Variants in PTPRN2 observed in about 807,000 individuals in gnomAD.
PTPRN2 encodes protein tyrosine phosphatase receptor type N2, also known as receptor-type tyrosine-protein phosphatase N2.
A neutral mutation model predicts 118.8 loss-of-function variants in PTPRN2; 74 were observed. The ratio of observed to expected loss-of-function variants is 0.62; its 90% CI spans 0.52 to 0.76. The LOEUF is 0.76. Ranked by LOEUF, PTPRN2 falls within the 30% of genes least tolerant of loss-of-function variation. The pLI, the probability that PTPRN2 is intolerant of heterozygous loss-of-function variation, is 0.00. For synonymous variants in PTPRN2, 641 were observed against 608.0 expected (o/e 1.05, Z -0.80); for missense variants, 1,481 against 1,394.4 (o/e 1.06, Z -0.99).
intron 19 of PTPRN2, among the ~76,000 whole-genome samples, chr7:157,573,951 G>A (rs563292520): frequency 1.7e-4 from 25 of 151,360 alleles, no homozygotes; most frequent in African/African-American, 4.9e-4. Context: ...CATGGCTGAG[G>A]ACTTTATTTA....
chr7:157,837,669 C>A (rs1213943138), intron 12 of PTPRN2, among the ~76,000 whole-genome samples: 2 of 152,182 alleles, frequency 1.3e-5, no homozygotes, highest in African/African-American at 4.8e-5. Context: ...CATCCAGCCC[C>A]CGCAGGGCAG....
chr7:158,145,782 T>A (rs1383449808), intron 6 of PTPRN2, among the ~76,000 whole-genome samples: 3 of 152,134 alleles, frequency 2.0e-5, no homozygotes, highest in Non-Finnish European at 2.9e-5. Flanking sequence ...CATTTAAAGT[T>A]CCCATCAATC....
chr7:158,030,448 C>T (rs1331494816), intron 11 of PTPRN2: 5 of 151,018 alleles, frequency 3.3e-5, no homozygotes, highest in Non-Finnish European at 5.9e-5. Context: ...ACGTCTGAGT[C>T]TTGGCTCCAG....
intron 12 of PTPRN2, among the ~76,000 whole-genome samples, chr7:157,851,636 G>A (rs903963119): frequency 2.6e-5 from 4 of 152,186 alleles, no homozygotes; most frequent in Non-Finnish European, 5.9e-5. Context: ...TCCCTGCTCT[G>A]CAGAGACCGC....
intron 1 of PTPRN2, among the ~76,000 whole-genome samples, chr7:158,504,155 A>G (rs558491289): frequency 9.9e-5 from 15 of 152,274 alleles, no homozygotes; most frequent in African/African-American, 3.6e-4. Context: ...TTCTTTGCAT[A>G]TATGAAAGAC....
chr7:157,730,547 CA>C (rs1448741231), intron 12 of PTPRN2, among the ~76,000 whole-genome samples: 2 of 152,316 alleles, frequency 1.3e-5, no homozygotes, highest in East Asian at 3.9e-4. Context: ...AAGGCTGGGC[CA>C]TTTCCCCCTC....
At chr7:158,160,845 C>T (rs1483860755) in intron 6 of PTPRN2, among the ~76,000 whole-genome samples, 4 of 152,192 alleles carry the variant, frequency 2.6e-5, no homozygotes, top group Admixed American at 6.5e-5. Context: ...TGCAAAAATA[C>T]GAATGTTATT....
chr7:157,729,530 C>T lies in PTPRN2; in HGVS notation c.1789-46593G>A, dbSNP rs1300961933. Among the ~76,000 whole-genome samples, 2 of 152,362 alleles carry T rather than the reference C, an allele frequency of 1.3e-5. No homozygotes were observed. Among genetic ancestry groups the T allele is most frequent in the East Asian group, 3.9e-4 (2 of 5,194 alleles). On this transcript the variant is annotated intron_variant, in intron 12 of 22. Transcript: ENST00000389418. The surrounding 1 kb of genome is among the most constrained non-coding windows in gnomAD (Gnocchi z 4.3). ...CAGGTGGGCACTGTGCTGGTGCTGT[C>T]CGAGTGGAGCCTCTGGTGAGCCGGA... is the stretch of plus-strand genomic sequence containing the variant.
chr7:158,270,832 ATGACCC>A (rs1798344008), intron 3 of PTPRN2, among the ~76,000 whole-genome samples: 2 of 5,184 alleles, frequency 3.9e-4, no homozygotes, highest in African/African-American at 1.2e-3. Context: ...CTCCACCTGG[ATGACCC>A]CCTCACCTGG....
intron 5 of PTPRN2, among the ~76,000 whole-genome samples, chr7:158,184,228 T>C (rs992253456): frequency 1.3e-5 from 2 of 152,226 alleles, no homozygotes; most frequent in African/African-American, 4.8e-5. Flanking sequence ...CTTAACACTA[T>C]TGAGTCTTTA....
In PTPRN2 at chr7:157,609,561, G is replaced by C. The variant is rs1165809098; in HGVS notation, c.2345-5486C>G. 6.6e-6 allele frequency among the ~76,000 whole-genome samples: 1 copy of C among 152,198 alleles called. No individual in the cohort carries two copies. The highest frequency in any genetic ancestry group is 1.5e-5 in the Non-Finnish European group (1 of 68,044). On this transcript the variant is annotated intron_variant, in intron 15 of 22. Transcript: ENST00000389418. This position sits in a 1 kb window ranked among gnomAD's most constrained non-coding sequence, Gnocchi z 4.9. ...GAAGAAACTAAGACTCATAAGGATG[G>C]AACGATTCACGTGGCCACGGCCTCG...
In PTPRN2 at chr7:158,292,928, C is replaced by T. The variant is rs536983820; in HGVS notation, c.277+23891G>A. Among the ~76,000 whole-genome samples the T allele has an allele frequency of 7.2e-5, 11 of 151,778 alleles. No individual in the cohort carries two copies. In the East Asian group the frequency reaches 1.8e-3, roughly 24 times the overall value. ...ACTAAAAATACAAAAATTAGCCTGG[C>T]GAGGCAGCAGGCACCTGTAATCCCA... On this transcript the variant is annotated intron_variant, in intron 3 of 22. Coordinates refer to ENST00000389418, the MANE Select transcript of PTPRN2 (RefSeq NM_002847.5).
intron 4 of PTPRN2, among the ~76,000 whole-genome samples, chr7:158,202,760 T>C (rs564859125): frequency 4.1e-4 from 62 of 152,232 alleles, no homozygotes; most frequent in Non-Finnish European, 7.8e-4. Context: ...GCTGTTTTTA[T>C]TTGTAACCAT....
chr7:158,497,300 C>T (rs1365212560), intron 1 of PTPRN2, among the ~76,000 whole-genome samples: 1 of 147,674 alleles, frequency 6.8e-6, no homozygotes, highest in African/African-American at 2.5e-5. Flanking sequence ...CCAGGTGACC[C>T]AGCCCCACCC....
chr7:157,950,648 C>T (rs1479468073), intron 11 of PTPRN2, among the ~76,000 whole-genome samples: 4 of 152,206 alleles, frequency 2.6e-5, no homozygotes, highest in African/African-American at 7.2e-5. Context: ...GTGGTGACAA[C>T]AAAATCTGCC....
Position 157,704,125 on chromosome 7 carries a change from A to G in PTPRN2, c.1789-21188T>C, listed in dbSNP as rs181452616. On this transcript the variant is annotated intron_variant, in intron 12 of 22. Transcript: ENST00000389418. ...TCACACGATTGGGTGCCCAGTATAC[A>G]CTGCCATGGTTTAGAGGAAGCTCTG... Among the ~76,000 whole-genome samples, 256 of 152,274 alleles carry G rather than the reference A, an allele frequency of 1.7e-3. 2 individuals are homozygous for G. Among genetic ancestry groups the G allele is most frequent in the African/African-American group, 5.7e-3 (237 of 41,550 alleles).
intron 12 of PTPRN2, among the ~76,000 whole-genome samples, chr7:157,799,299 C>G (rs796210120): frequency 5.9e-5 from 9 of 152,174 alleles, no homozygotes; most frequent in African/African-American, 2.2e-4. Context: ...CTGTCAGCCT[C>G]GGATCCGGGC....
At chr7:157,620,672 G>A (rs575684949) in intron 15 of PTPRN2, among the ~76,000 whole-genome samples, 2 of 152,312 alleles carry the variant, frequency 1.3e-5, no homozygotes, top group East Asian at 3.9e-4. Flanking sequence ...TGCTCACTGG[G>A]GTGCAGATGT....
rs1277702599 is a variant in PTPRN2 at position 157,632,436 on chromosome 7, G to C, written c.2197-10927C>G. On this transcript the variant is annotated intron_variant, in intron 14 of 22. Transcript: ENST00000389418. This position sits in a 1 kb window ranked among gnomAD's most constrained non-coding sequence, Gnocchi z 4.3. ...GGAAGATGTTAATAGTGAACACATT[G>C]TGTTCTAGAAATGTTCTAATTAATA... 1.3e-5 allele frequency among the ~76,000 whole-genome samples: 2 copies of C among 152,224 alleles called. No homozygotes were observed. Among genetic ancestry groups the C allele is most frequent in the Admixed American group, 1.3e-4 (2 of 15,288 alleles).
Sources: allele counts gnomAD v4.1 joint callset (sites outside exome capture counted in the v4.1 genomes callset), GRCh38; gene constraint gnomAD v4.1.1; non-coding constraint Gnocchi (gnomAD v3.1); transcripts MANE v1.5; gene names NCBI Gene and HGNC (gene_info 2026-07-23, HGNC 2026-07-21).